CHST11: variants seen among roughly 807,000 people sequenced by gnomAD.
CHST11 encodes the protein carbohydrate sulfotransferase 11, also known as C4S-1.
CHST11 carries 9 observed loss-of-function variants against 30.4 expected under a neutral mutation model. The observed-to-expected ratio is 0.30, with a 90% CI of 0.18 to 0.52. CHST11 has a LOEUF of 0.52. CHST11 is among the 20% of genes least tolerant of loss of function. The pLI is 0.97. For missense variants in CHST11, 348 were observed against 460.6 expected (o/e 0.76, Z 2.24); for synonymous variants, 152 against 187.8 (o/e 0.81, Z 1.56).
intron 1 of CHST11, among the ~76,000 whole-genome samples, chr12:104,571,634 T>TG (rs1303987766): frequency 6.6e-6 from 1 of 152,192 alleles, no homozygotes; most frequent in Non-Finnish European, 1.5e-5. Flanking sequence ...GGTCTGATGA[T>TG]GAAGTTTGTC....
rs1429515862 is a variant in CHST11, at chr12:104,520,370, G to C, written c.118+62841G>C. Among the ~76,000 whole-genome samples the C allele has an allele frequency of 3.3e-5, 5 of 152,270 alleles. No homozygotes were observed. In the South Asian group the frequency reaches 1.0e-3, roughly 32 times the overall value. On this transcript the variant is annotated intron_variant, in intron 1 of 2. Coordinates refer to ENST00000303694, the MANE Select transcript of CHST11 (RefSeq NM_018413.6). ...TTCAGTGAGAGGCAGTAGGACTAATGGTTAGTGATTAGTTTGCTAAGTAGG... is the reference window on the plus strand; with the variant it reads ...TTCAGTGAGAGGCAGTAGGACTAATCGTTAGTGATTAGTTTGCTAAGTAGG...
chr12:104,472,086 A>C (rs1260210390), intron 1 of CHST11, among the ~76,000 whole-genome samples: 1 of 151,628 alleles, frequency 6.6e-6, no homozygotes. Flanking sequence ...CCTCCCAAGT[A>C]GCTGGGACTA....
chr12:104,685,178 G>T (rs2039835364), intron 2 of CHST11, among the ~76,000 whole-genome samples: 2 of 152,128 alleles, frequency 1.3e-5, no homozygotes, highest in African/African-American at 2.4e-5. Context: ...AACCTCATCT[G>T]TCTCATTGCT....
At chr12:104,625,140 T>C (rs1300593793) in intron 2 of CHST11, among the ~76,000 whole-genome samples, 2 of 152,232 alleles carry the variant, frequency 1.3e-5, no homozygotes, top group Admixed American at 6.5e-5. Flanking sequence ...ATCTTGTGAC[T>C]AAGCAGCTAT....
intron 1 of CHST11, among the ~76,000 whole-genome samples, chr12:104,537,352 C>G (rs2038246383): frequency 6.6e-6 from 1 of 152,190 alleles, no homozygotes; most frequent in South Asian, 2.1e-4. Flanking sequence ...TTAGCATTGA[C>G]CTTGAGATAC....
intron 2 of CHST11, among the ~76,000 whole-genome samples, chr12:104,639,740 C>T (rs909820664): frequency 6.6e-6 from 1 of 152,066 alleles, no homozygotes; most frequent in African/African-American, 2.4e-5. Flanking sequence ...AGTGTTTGGC[C>T]CTCTGATGTC....
In CHST11 at chr12:104,600,515, T is replaced by C. The variant is rs2038948141; in HGVS notation, c.119-1391T>C. Among the ~76,000 whole-genome samples the C allele has an allele frequency of 1.3e-5, 2 of 152,212 alleles. No individual in the cohort carries two copies. Among genetic ancestry groups the C allele is most frequent in the African/African-American group, 4.8e-5 (2 of 41,452 alleles). ...ACAGTTTTAAGCATTCTGCACATAG[T>C]AGTTACTCATTTAATCTTCACATCC... On this transcript the variant is annotated intron_variant, in intron 1 of 2. Transcript: ENST00000303694. The surrounding 1 kb of genome is among the most constrained non-coding windows in gnomAD (Gnocchi z 4.1).
intron 2 of CHST11, among the ~76,000 whole-genome samples, chr12:104,613,464 G>T (rs557345926): frequency 1.6e-4 from 24 of 152,274 alleles, no homozygotes; most frequent in African/African-American, 3.6e-4. Context: ...TTGGAGGAGG[G>T]ACCTGGTGGG....
chr12:104,491,266 C>T (rs910008656), intron 1 of CHST11, among the ~76,000 whole-genome samples: 2 of 152,142 alleles, frequency 1.3e-5, no homozygotes, highest in Non-Finnish European at 2.9e-5. Context: ...CCATACTCAT[C>T]TCATTTGATC....
At chr12:104,593,921 T>C (rs750912749) in intron 1 of CHST11, among the ~76,000 whole-genome samples, 7 of 152,224 alleles carry the variant, frequency 4.6e-5, no homozygotes, top group Non-Finnish European at 8.8e-5. Context: ...CTAAGGTAAT[T>C]AAACCACTTT....
At chr12:104,516,413 T>C (rs2038022398) in intron 1 of CHST11, among the ~76,000 whole-genome samples, 2 of 152,186 alleles carry the variant, frequency 1.3e-5, no homozygotes, top group Admixed American at 6.5e-5. Flanking sequence ...GCTACTAAAA[T>C]GGTCATCTTT....
At chr12:104,549,744 A>G (rs2136008262) in intron 1 of CHST11, among the ~76,000 whole-genome samples, 1 of 152,240 alleles carries the variant, frequency 6.6e-6, no homozygotes, top group Admixed American at 6.5e-5. Flanking sequence ...CCGCCACTCA[A>G]AAAATAACAA....
chr12:104,533,694 T>C (rs1487886914), intron 1 of CHST11, among the ~76,000 whole-genome samples: 5 of 152,204 alleles, frequency 3.3e-5, no homozygotes, highest in Non-Finnish European at 5.9e-5. Context: ...CAGAAGACAC[T>C]TGGAGTCTTA....
At chr12:104,733,362 G>A (rs2040272743) in intron 2 of CHST11, among the ~76,000 whole-genome samples, 1 of 152,206 alleles carries the variant, frequency 6.6e-6, no homozygotes, top group Non-Finnish European at 1.5e-5. Flanking sequence ...CTTTGTGGGA[G>A]GCAGTAACAC....
chr12:104,463,522 G>A (rs2037429352), intron 1 of CHST11, among the ~76,000 whole-genome samples: 1 of 152,120 alleles, frequency 6.6e-6, no homozygotes, highest in African/African-American at 2.4e-5. Context: ...CTCTGTGCCA[G>A]ATACTGTTCT....
intron 2 of CHST11, among the ~76,000 whole-genome samples, chr12:104,656,196 G>A (rs1012243846): frequency 2.6e-5 from 4 of 152,236 alleles, no homozygotes; most frequent in Admixed American, 2.0e-4. Context: ...AAACAAATGA[G>A]TGAGGAACAG....
At position 104,757,013 on chromosome 12, in the gene CHST11, G is replaced by A. The variant is rs749545581; in HGVS notation, c.269G>A (p.Arg90Gln). Residue 90 changes from arginine to glutamine, a missense_variant, in exon 3 of 3, where the codon CGA (arginine) becomes CAA (glutamine). Arg to Gln is a conservative substitution (Grantham distance 43). This residue lies in a region of CHST11 where 135 missense variants were observed against 155.8 expected (regional missense o/e 0.87). Transcript: ENST00000303694. This position sits in a 1 kb window ranked among gnomAD's most constrained non-coding sequence, Gnocchi z 6.5. ...CGGGACCAGGTGACAGACACGTGCC[G>A]AGCCAACAGCGCCACAAGCCGTAAG... ...MRRDQVTDTC[R>Q]ANSATSRKRR... 32 of 1,613,326 alleles carry A rather than the reference G, an allele frequency of 2.0e-5. No individual in the cohort carries two copies. The highest frequency in any genetic ancestry group is 2.7e-5 in the African/African-American group (2 of 74,834).
chr12:104,550,654 A>G (rs756358104), intron 1 of CHST11, among the ~76,000 whole-genome samples: 1 of 151,946 alleles, frequency 6.6e-6, no homozygotes, highest in Non-Finnish European at 1.5e-5. Flanking sequence ...TGGAATGGAA[A>G]CCTCTGTCTT....
chr12:104,619,824 G>A (rs2039143706), intron 2 of CHST11, among the ~76,000 whole-genome samples: 1 of 152,184 alleles, frequency 6.6e-6, no homozygotes, highest in African/African-American at 2.4e-5. Context: ...CTCATGCTAA[G>A]CCCATGGTTT....
Sources: gnomAD v4.1 joint callset for allele counts (sites outside exome capture counted in the v4.1 genomes callset) on GRCh38, gnomAD v4.1.1 for gene constraint, gnomAD v4.1.1 regional missense constraint, Gnocchi (gnomAD v3.1) non-coding constraint, MANE v1.5 for transcripts, NCBI Gene and HGNC (gene_info 2026-07-23, HGNC 2026-07-21) for gene names.